Variants in SHOC1 observed in about 807,000 individuals in gnomAD.
SHOC1 encodes protein shortage in chiasmata 1 ortholog.
A neutral mutation model predicts 179.2 loss-of-function variants in SHOC1; 136 were observed. The observed-to-expected ratio is 0.76, with a 90% CI of 0.66 to 0.87. SHOC1 has a LOEUF of 0.87. SHOC1 is among the 40% of genes least tolerant of loss of function. SHOC1 has a pLI of 0.00. For synonymous variants in SHOC1, 489 were observed against 586.6 expected, an observed-to-expected ratio of 0.83 and a Z score of 2.41; for missense variants, 1,538 against 1,700.8, an observed-to-expected ratio of 0.90 and a Z score of 1.68.
chr9:111,785,851 G>C, intron 3 of SHOC1, 61 bp downstream of exon 3: 1 of 1,304,740 alleles, frequency 7.7e-7, no homozygotes, highest in Non-Finnish European at 9.9e-7. Context: ...TTAATAATTT[G>C]CTGTGCTAAA....
chr9:111,757,179 T>C lies in SHOC1; in HGVS notation c.709-701A>G, dbSNP rs375159632. On this transcript the variant is annotated intron_variant, in intron 7 of 27. Transcript: ENST00000682961. ...CTGGAGTGCAGTGGTGCGATCTCAC[T>C]GCAAGCTCCGCCTCCTGGGTTCACG... 5.9e-5 allele frequency among the ~76,000 whole-genome samples: 9 copies of C among 152,322 alleles called. No individual in the cohort carries two copies. The South Asian group carries it at 1.7e-3, about 28-fold the overall frequency.
rs373458071 is a variant in SHOC1, at chr9:111,695,815, TACC to T, written c.3184-1456_3184-1454del. On this transcript the variant is annotated intron_variant, in intron 24 of 27. Transcript: ENST00000682961. ...GAATTACTATATTTTGTAATGGAAA[TACC>T]ACTACTAAAAATAGAATGCTATAAA... Among the ~76,000 whole-genome samples, 327 of 152,286 alleles carry T rather than the reference TACC, an allele frequency of 2.1e-3. 1 individual carries two copies. The highest frequency in any genetic ancestry group is 0.01 in the Middle Eastern group (3 of 294).
At chr9:111,784,282 T>A (rs1836183953) in intron 3 of SHOC1, among the ~76,000 whole-genome samples, 1 of 152,292 alleles carries the variant, frequency 6.6e-6, no homozygotes, top group African/African-American at 2.4e-5. Context: ...TTCCCTATTT[T>A]AGGAAATGGC....
intron 5 of SHOC1, among the ~76,000 whole-genome samples, chr9:111,767,156 T>C (rs2131593611): frequency 6.6e-6 from 1 of 152,324 alleles, no homozygotes; most frequent in Admixed American, 6.5e-5. Flanking sequence ...CTTCACTTTA[T>C]GATTGTTTCT....
chr9:111,794,728 T>C (rs1047101273), intron 1 of SHOC1, among the ~76,000 whole-genome samples, 172 bp downstream of exon 1: 3 of 152,160 alleles, frequency 2.0e-5, no homozygotes, highest in Admixed American at 6.5e-5. Context: ...TCAGGTTAAG[T>C]GGACAGTGGG....
At chr9:111,716,651 A>G (rs1456369951) in intron 16 of SHOC1, among the ~76,000 whole-genome samples, 1 of 152,172 alleles carries the variant, frequency 6.6e-6, no homozygotes, top group South Asian at 2.1e-4. Flanking sequence ...TCAGCCTCCC[A>G]AAGTGCTGGG....
At chr9:111,688,814 T>G (rs1831295503) in intron 27 of SHOC1, among the ~76,000 whole-genome samples, 2 of 98,042 alleles carry the variant, frequency 2.0e-5, no homozygotes, top group African/African-American at 1.3e-4. Flanking sequence ...CTCTTGCTTT[T>G]AAGTTTTCCC....
intron 8 of SHOC1, among the ~76,000 whole-genome samples, chr9:111,755,099 G>A (rs1356307489): frequency 6.6e-6 from 1 of 152,160 alleles, no homozygotes; most frequent in East Asian, 1.9e-4. Context: ...GTCCTCTGTG[G>A]CAGTGACTCT....
intron 5 of SHOC1, among the ~76,000 whole-genome samples, chr9:111,771,265 G>A (rs1024953664): frequency 1.3e-5 from 2 of 152,092 alleles, no homozygotes; most frequent in African/African-American, 4.8e-5. Flanking sequence ...GGATTACAAA[G>A]AAAGGAATAG....
At chr9:111,786,303 T>C (rs565223322) in intron 2 of SHOC1, among the ~76,000 whole-genome samples, 3 of 152,138 alleles carry the variant, frequency 2.0e-5, no homozygotes, top group South Asian at 2.1e-4. Flanking sequence ...GGCGTGGTTG[T>C]GGGCGCCTGT....
In SHOC1 at chr9:111,703,969, C is replaced by G; in HGVS notation, c.2879G>C (p.Arg960Thr). ...GAGTTTCAATGACTCACTGCAGCCT[C>G]TCTCTACTAGTGAGATGTTATAGCT... ...ESNYNISLVE[R>T]GCSESLKLFG... is the part of the protein sequence containing the mutation. The change falls in exon 22 of 28, where the codon AGA (arginine) becomes ACA (threonine). Residue 960 changes from arginine to threonine, a missense_variant. Physicochemically the swap from Arg to Thr is moderately conservative, Grantham distance 71. Transcript: ENST00000682961. 1.3e-6 allele frequency: 2 copies of G among 1,597,314 alleles called. No homozygotes were observed. The highest frequency in any genetic ancestry group is 2.2e-5 in the East Asian group (1 of 44,660).
intron 18 of SHOC1, among the ~76,000 whole-genome samples, chr9:111,708,647 T>C (rs1229434298): frequency 6.6e-6 from 1 of 152,252 alleles, no homozygotes; most frequent in Non-Finnish European, 1.5e-5. Context: ...TATTTCAATG[T>C]AATAGGAATG....
chr9:111,707,735 G>T, intron 19 of SHOC1, 120 bp downstream of exon 19: 1 of 682,546 alleles, frequency 1.5e-6, no homozygotes. Flanking sequence ...CAGGAAGAGG[G>T]TAGAGGCATT....
intron 26 of SHOC1, 71 bp from the exon 27 acceptor site, chr9:111,692,582 A>C: frequency 8.9e-7 from 1 of 1,127,068 alleles, no homozygotes; most frequent in Non-Finnish European, 1.2e-6. Flanking sequence ...TCTATATGGA[A>C]AGAAGGCAAA....
intron 5 of SHOC1, among the ~76,000 whole-genome samples, chr9:111,766,638 T>A (rs142515779): frequency 6.6e-6 from 1 of 152,012 alleles, no homozygotes; most frequent in African/African-American, 2.4e-5. Context: ...TGAAATGGAG[T>A]TTCGCTCCTG....
At chr9:111,728,943 C>A (rs977756187) in intron 12 of SHOC1, among the ~76,000 whole-genome samples, 1 of 152,100 alleles carries the variant, frequency 6.6e-6, no homozygotes, top group Non-Finnish European at 1.5e-5. Context: ...TTTCCCAGTA[C>A]AAATGTAAAA....
chr9:111,705,170 TACACACAC>T (rs112920989), intron 21 of SHOC1, 69 bp downstream of exon 21: 1 of 492,144 alleles, frequency 2.0e-6, no homozygotes. Flanking sequence ...AGAATATATA[TACACACAC>T]ACACACACAC....
Position 111,713,082 on chromosome 9 carries a change from T to A in SHOC1, c.2488+18A>T. 1 of 1,442,792 alleles carries A rather than the reference T, an allele frequency of 6.9e-7. No homozygotes were observed. The highest frequency in any genetic ancestry group is 9.7e-7 in the Non-Finnish European group (1 of 1,035,246). The allele number at this position is 1,442,792 out of a possible 1,614,324, so 89.4% of individuals were successfully genotyped here. ...CAAGCATTTGTTATCAAATGAAGCA[T>A]AATTTAAAACTGCCTACCTTCTATT... On this transcript the variant is annotated intron_variant, in intron 18 of 27. Coordinates refer to ENST00000682961, the MANE Select transcript of SHOC1 (RefSeq NM_001378211.1).
intron 5 of SHOC1, among the ~76,000 whole-genome samples, chr9:111,762,462 T>C (rs1249602946): frequency 6.6e-6 from 1 of 151,928 alleles, no homozygotes; most frequent in Non-Finnish European, 1.5e-5. Flanking sequence ...AGACACGCTT[T>C]TGTGGAAAAA....
Sources: allele counts gnomAD v4.1 joint callset (sites outside exome capture counted in the v4.1 genomes callset), GRCh38; gene constraint gnomAD v4.1.1; transcripts MANE v1.5; gene names NCBI Gene and HGNC (gene_info 2026-07-23, HGNC 2026-07-21).